The following CAPRIN1 variants were observed in gnomAD, a reference collection of about 807,000 sequenced individuals.
The protein encoded by CAPRIN1 is caprin-1.
A neutral mutation model predicts 100.9 loss-of-function variants in CAPRIN1; 29 were observed. That is an observed-to-expected ratio of 0.29 (90% CI 0.21 to 0.39). The LOEUF (loss-of-function observed/expected upper bound fraction) is 0.39. Among genes scored for constraint, CAPRIN1 ranks in the 10% least tolerant of loss-of-function variants. CAPRIN1 has a pLI of 1.00. For synonymous variants in CAPRIN1, 338 were observed against 307.5 expected (o/e 1.10, Z -1.04); for missense variants, 795 against 876.7 (o/e 0.91, Z 1.18).
At chr11:34,054,506 C>T (rs1037994141) in intron 2 of CAPRIN1, among the ~76,000 whole-genome samples, 1 of 151,998 alleles carries the variant, frequency 6.6e-6, no homozygotes, top group Admixed American at 6.6e-5. Flanking sequence ...CAGCTCACTG[C>T]AACCTCCACC....
At chr11:34,087,626 C>G (rs2134126466) in intron 11 of CAPRIN1, among the ~76,000 whole-genome samples, 1 of 152,196 alleles carries the variant, frequency 6.6e-6, no homozygotes, top group Non-Finnish European at 1.5e-5. Flanking sequence ...AGCCACCGCG[C>G]CCGGCTCTCA....
chr11:34,076,718 C>T (rs1850915194), intron 6 of CAPRIN1, 76 bp downstream of exon 6: 2 of 968,118 alleles, frequency 2.1e-6, no homozygotes, highest in African/African-American at 1.7e-5. Context: ...TTATAGTTCA[C>T]TTGGAAGAAA....
At chr11:34,087,565 C>T (rs920081143) in intron 11 of CAPRIN1, among the ~76,000 whole-genome samples, 1 of 122,798 alleles carries the variant, frequency 8.1e-6, no homozygotes, top group African/African-American at 3.3e-5. Flanking sequence ...GATCTCCTGA[C>T]CTCGTGATCC....
chr11:34,063,531 A>G (rs1850624706), intron 2 of CAPRIN1, among the ~76,000 whole-genome samples: 1 of 152,220 alleles, frequency 6.6e-6, no homozygotes, highest in Non-Finnish European at 1.5e-5. Context: ...GAGACTGGAT[A>G]GCACTTGTTG....
At chr11:34,080,010 G>A (rs111569653) in intron 7 of CAPRIN1, among the ~76,000 whole-genome samples, 4 of 144,722 alleles carry the variant, frequency 2.8e-5, no homozygotes, top group African/African-American at 5.1e-5. Flanking sequence ...TGCAAGCTCC[G>A]CCTCCTGGGT....
Position 34,102,056 on chromosome 11 carries a change from T to C in CAPRIN1, c.*2689T>C, listed in dbSNP as rs1851462150. ...ATATGGAAAAGTTTTTTTTCAATCA[T>C]TGTACCTTGATATTAAAACAAATAT... On this transcript the variant is annotated 3_prime_UTR_variant, in exon 19 of 19. Coordinates refer to ENST00000341394, the MANE Select transcript of CAPRIN1 (RefSeq NM_005898.5). Among the ~76,000 whole-genome samples, 1 of 152,208 alleles carries C rather than the reference T, an allele frequency of 6.6e-6. No homozygotes were observed. Among genetic ancestry groups the C allele is most frequent in the Non-Finnish European group, 1.5e-5 (1 of 68,030 alleles).
chr11:34,059,947 G>A (rs1850540185), intron 2 of CAPRIN1, among the ~76,000 whole-genome samples: 1 of 144,646 alleles, frequency 6.9e-6, no homozygotes, highest in Admixed American at 7.2e-5. Flanking sequence ...TGTAATCTCA[G>A]CACTTTGGGA....
At chr11:34,072,060 A>G (rs1020290484) in intron 4 of CAPRIN1, 73 bp downstream of exon 4, 2 of 918,434 alleles carry the variant, frequency 2.2e-6, no homozygotes, top group African/African-American at 1.7e-5. Context: ...TTCCATTACT[A>G]TTGATAAGCT....
chr11:34,084,719 A>C (rs749608909), intron 9 of CAPRIN1, among the ~76,000 whole-genome samples: 1 of 152,114 alleles, frequency 6.6e-6, no homozygotes, highest in Non-Finnish European at 1.5e-5. Flanking sequence ...AGTCGATGGG[A>C]TGTATGTTTT....
chr11:34,086,966 A>G (rs1851157993), intron 11 of CAPRIN1, among the ~76,000 whole-genome samples: 1 of 152,220 alleles, frequency 6.6e-6, no homozygotes, highest in South Asian at 2.1e-4. Context: ...AATACACAGC[A>G]ATGAAGTGGG....
At chr11:34,091,064 C>G (rs1851254153) in intron 14 of CAPRIN1, among the ~76,000 whole-genome samples, 1 of 152,224 alleles carries the variant, frequency 6.6e-6, no homozygotes, top group South Asian at 2.1e-4. Flanking sequence ...AGATGTTATG[C>G]TTTACCTTGA....
At chr11:34,084,568 T>C (rs1411640888) in intron 9 of CAPRIN1, among the ~76,000 whole-genome samples, 1 of 152,206 alleles carries the variant, frequency 6.6e-6, no homozygotes, top group Non-Finnish European at 1.5e-5. Context: ...AGTTGTGCCA[T>C]GTATCTGCGG....
rs143224039 is a variant in CAPRIN1 at position 34,063,790 on chromosome 11, G to A, written c.217-7936G>A. On this transcript the variant is annotated intron_variant, in intron 2 of 18. Transcript: ENST00000341394. ...GTGTTATCAACATTGTAACGTAGTA[G>A]GCTTTCTGATGAAGATAGTTTTTTT... is the stretch of plus-strand genomic sequence containing the variant. Among the ~76,000 whole-genome samples, 84 of 152,312 alleles carry A rather than the reference G, an allele frequency of 5.5e-4. 1 individual carries two copies. The East Asian group carries it at 0.016, about 29-fold the overall frequency.
Position 34,069,151 on chromosome 11 carries a change from G to GTT in CAPRIN1, c.217-2558_217-2557dup, listed in dbSNP as rs759857309. Among the ~76,000 whole-genome samples the GTT allele has an allele frequency of 2.0e-3, 269 of 132,756 alleles. 1 individual carries two copies. Among genetic ancestry groups the GTT allele is most frequent in the African/African-American group, 4.4e-3 (160 of 36,160 alleles). 87.1% of individuals were successfully genotyped at this position (132,756 alleles called of 152,430 possible). On this transcript the variant is annotated intron_variant, in intron 2 of 18. Coordinates refer to ENST00000341394, the MANE Select transcript of CAPRIN1 (RefSeq NM_005898.5). ...AAATCATAAATTCAAAACTTATTTA[G>GTT]TTTTTTTTTTTTTTTTTTAAGATGG...
At chr11:34,076,735 A>ATT in intron 6 of CAPRIN1, 93 bp downstream of exon 6, 49 of 774,814 alleles carry the variant, frequency 6.3e-5, no homozygotes, top group Non-Finnish European at 8.5e-5. Flanking sequence ...GAAAAAAATT[A>ATT]GTTTTTTTTT....
chr11:34,078,450 C>A (rs1850947426), intron 6 of CAPRIN1, among the ~76,000 whole-genome samples: 1 of 152,190 alleles, frequency 6.6e-6, no homozygotes, highest in South Asian at 2.1e-4. Context: ...CCCTGGTACA[C>A]CAAATTCTGA....
chr11:34,079,210 G>A (rs1460738432), intron 6 of CAPRIN1, among the ~76,000 whole-genome samples: 1 of 152,162 alleles, frequency 6.6e-6, no homozygotes, highest in Non-Finnish European at 1.5e-5. Context: ...ACCTTCACTA[G>A]GCAACATGGT....
intron 7 of CAPRIN1, among the ~76,000 whole-genome samples, chr11:34,081,909 T>C (rs974462420): frequency 6.6e-6 from 1 of 152,164 alleles, no homozygotes; most frequent in Non-Finnish European, 1.5e-5. Flanking sequence ...CCTCCCGGGT[T>C]CAAGCGATTC....
At chr11:34,061,378 C>G (rs1850576711) in intron 2 of CAPRIN1, among the ~76,000 whole-genome samples, 1 of 151,588 alleles carries the variant, frequency 6.6e-6, no homozygotes, top group Non-Finnish European at 1.5e-5. Context: ...GGCTAATTTT[C>G]TGTATTTTTA....
Sources: gnomAD v4.1 joint callset for allele counts (sites outside exome capture counted in the v4.1 genomes callset) on GRCh38, gnomAD v4.1.1 for gene constraint, MANE v1.5 for transcripts, NCBI Gene and HGNC (gene_info 2026-07-23, HGNC 2026-07-21) for gene names.